Variants in RANBP2 observed in about 807,000 individuals in gnomAD.
RANBP2 encodes the protein RAN binding protein 2, also known as E3 SUMO-protein ligase RanBP2.
A neutral mutation model predicts 303.6 loss-of-function variants in RANBP2; 57 were observed. The observed-to-expected ratio is 0.19, with a 90% CI of 0.15 to 0.23. RANBP2 has a LOEUF of 0.23. RANBP2 is among the 10% of genes least tolerant of loss of function. The pLI is 1.00. For synonymous variants in RANBP2, 1,167 were observed against 1,301.5 expected, an observed-to-expected ratio of 0.90 and a Z score of 2.23; for missense variants, 3,138 against 3,780.8, an observed-to-expected ratio of 0.83 and a Z score of 4.46.
chr2:109,585,929 A>G, the RANBP2 span: 1 of 837,560 alleles, frequency 1.2e-6, no homozygotes, highest in Non-Finnish European at 1.9e-6. Flanking sequence ...CAAATATATC[A>G]AATAAATGAA....
chr2:109,513,645 C>T, the RANBP2 span, among the ~76,000 whole-genome samples: 4 of 152,230 alleles, frequency 2.6e-5, no homozygotes, highest in African/African-American at 4.8e-5. Flanking sequence ...CACATTTGCA[C>T]ACACACCCTT....
the RANBP2 span, among the ~76,000 whole-genome samples, chr2:109,646,381 A>G: frequency 9.2e-5 from 14 of 152,342 alleles, no homozygotes; most frequent in South Asian, 2.7e-3. Context: ...AAATATTACT[A>G]TATTAAATGC....
chr2:109,180,897 A>G, the RANBP2 span, among the ~76,000 whole-genome samples: 2 of 152,204 alleles, frequency 1.3e-5, no homozygotes, highest in African/African-American at 2.4e-5. Flanking sequence ...CTTGGAAGGG[A>G]CCACCCCATG....
the RANBP2 span, among the ~76,000 whole-genome samples, chr2:109,138,704 C>G: frequency 6.6e-6 from 1 of 152,350 alleles, no homozygotes; most frequent in South Asian, 2.1e-4. Flanking sequence ...AGGGAACACA[C>G]AGAATGAATG....
chr2:109,424,285 G>T, the RANBP2 span, among the ~76,000 whole-genome samples: 1 of 152,220 alleles, frequency 6.6e-6, no homozygotes, highest in Admixed American at 6.5e-5. Flanking sequence ...CATGGGTGAT[G>T]CTGCACCCTG....
chr2:108,861,828 C>T, the RANBP2 span, among the ~76,000 whole-genome samples: 39 of 152,168 alleles, frequency 2.6e-4, no homozygotes, highest in Middle Eastern at 3.4e-3. Flanking sequence ...TGAGCCACCG[C>T]GCCCAGCCTA....
chr2:109,459,281 C>G, the RANBP2 span, among the ~76,000 whole-genome samples: 34 of 152,140 alleles, frequency 2.2e-4, no homozygotes, highest in African/African-American at 8.0e-4. Flanking sequence ...GAAATACTTA[C>G]AACAGTTACA....
At chr2:109,436,796 T>C in the RANBP2 span, 23 of 1,484,666 alleles carry the variant, frequency 1.5e-5, no homozygotes, top group Non-Finnish European at 2.1e-5. Flanking sequence ...CTTCATCTCT[T>C]AAAGCCAGCA....
the RANBP2 span, among the ~76,000 whole-genome samples, chr2:109,353,261 C>T: frequency 2.6e-5 from 4 of 152,204 alleles, no homozygotes; most frequent in East Asian, 1.9e-4. Flanking sequence ...TCCCTGCAGC[C>T]GAGCCCACTG....
At chr2:109,565,558 C>T in the RANBP2 span, among the ~76,000 whole-genome samples, 7 of 152,048 alleles carry the variant, frequency 4.6e-5, no homozygotes, top group Admixed American at 4.6e-4. Flanking sequence ...AACAGGGTAC[C>T]GTGGGGGCGG....
At chr2:109,520,206 C>T in the RANBP2 span, among the ~76,000 whole-genome samples, 1 of 152,134 alleles carries the variant, frequency 6.6e-6, no homozygotes, top group Non-Finnish European at 1.5e-5. Flanking sequence ...TGTGAATCCA[C>T]AATTATCTCA....
the RANBP2 span, among the ~76,000 whole-genome samples, chr2:109,047,246 T>C: frequency 6.6e-6 from 1 of 152,198 alleles, no homozygotes; most frequent in Admixed American, 6.5e-5. Flanking sequence ...GCAGAGGTCC[T>C]AGTCCCCCAC....
the RANBP2 span, among the ~76,000 whole-genome samples, chr2:109,178,773 C>T: frequency 6.6e-6 from 1 of 151,990 alleles, no homozygotes; most frequent in African/African-American, 2.4e-5. Context: ...TATTAGATTT[C>T]GTAGGTGTCT....
the RANBP2 span, among the ~76,000 whole-genome samples, chr2:109,267,661 G>A: frequency 2.0e-5 from 3 of 152,198 alleles, no homozygotes; most frequent in Non-Finnish European, 4.4e-5. Context: ...CCACCCCTGA[G>A]GTCTGGGAGG....
the RANBP2 span, among the ~76,000 whole-genome samples, chr2:109,264,413 A>G: frequency 1.3e-5 from 2 of 150,248 alleles, no homozygotes; most frequent in Admixed American, 6.6e-5. Flanking sequence ...GGTGCCCCCC[A>G]TCCACCTCCC....
the RANBP2 span, among the ~76,000 whole-genome samples, chr2:109,469,061 T>TA: frequency 6.6e-6 from 1 of 152,016 alleles, no homozygotes; most frequent in African/African-American, 2.4e-5. Flanking sequence ...GCCAGGCATG[T>TA]AAGCTGAGAA....
the RANBP2 span, among the ~76,000 whole-genome samples, chr2:109,292,549 T>C: frequency 6.6e-6 from 1 of 152,230 alleles, no homozygotes; most frequent in African/African-American, 2.4e-5. Flanking sequence ...AGTTTTTCTC[T>C]ACTTTAAATG....
At chr2:108,852,417 T>G in the RANBP2 span, among the ~76,000 whole-genome samples, 1 of 152,188 alleles carries the variant, frequency 6.6e-6, no homozygotes, top group Non-Finnish European at 1.5e-5. Flanking sequence ...CCCAAACTAA[T>G]AGAAATTGTT....
chr2:109,161,543 C>T, the RANBP2 span, among the ~76,000 whole-genome samples: 1 of 151,746 alleles, frequency 6.6e-6, no homozygotes, highest in South Asian at 2.1e-4. Context: ...CTTAGTCTAG[C>T]ACCTACCTAA....
Sources: gnomAD v4.1 joint callset for allele counts (sites outside exome capture counted in the v4.1 genomes callset) on GRCh38, gnomAD v4.1.1 for gene constraint, MANE v1.5 for transcripts, NCBI Gene and HGNC (gene_info 2026-07-23, HGNC 2026-07-21) for gene names.